The following INSR variants were observed in gnomAD, a reference collection of about 807,000 sequenced individuals.
The protein encoded by INSR is insulin receptor.
INSR carries 67 observed loss-of-function variants against 142.6 expected under a neutral mutation model. That is an observed-to-expected ratio of 0.47 (90% CI 0.39 to 0.58). INSR has a LOEUF of 0.58. Ranked by LOEUF, INSR falls within the 20% of genes least tolerant of loss-of-function variation. The pLI is 0.00. For synonymous variants in INSR, 756 were observed against 743.1 expected (o/e 1.02, Z -0.28); for missense variants, 1,248 against 1,833.2 (o/e 0.68, Z 5.83).
At position 7,205,420 on chromosome 19, in the gene INSR, A is replaced by G. The variant is rs531320440; in HGVS notation, c.653-20783T>C. Among the ~76,000 whole-genome samples, 4 of 152,318 alleles carry G rather than the reference A, an allele frequency of 2.6e-5. No individual in the cohort carries two copies. In the South Asian group the frequency reaches 8.3e-4, roughly 32 times the overall value. Reference sequence around the variant, plus strand: ...TTGAGAAACCAGAGCACCAAATGCCAACTTTCTAGCTCAGTTCTCACCTTC... The same window carrying G: ...TTGAGAAACCAGAGCACCAAATGCCGACTTTCTAGCTCAGTTCTCACCTTC... On this transcript the variant is annotated intron_variant, in intron 2 of 21. Coordinates refer to ENST00000302850, the MANE Select transcript of INSR (RefSeq NM_000208.4).
chr19:7,274,835 T>C (rs1345711601), intron 1 of INSR, among the ~76,000 whole-genome samples: 1 of 151,122 alleles, frequency 6.6e-6, no homozygotes, highest in Non-Finnish European at 1.5e-5. Context: ...GATTTGTCTA[T>C]GTAGATTTTA....
chr19:7,216,996 C>CT lies in INSR; in HGVS notation c.653-32360dup, dbSNP rs570352702. On this transcript the variant is annotated intron_variant, in intron 2 of 21. Coordinates refer to ENST00000302850, the MANE Select transcript of INSR (RefSeq NM_000208.4). This position sits in a 1 kb window ranked among gnomAD's most constrained non-coding sequence, Gnocchi z 4.2. Reference sequence around the variant, plus strand: ...CCAGCTAATTTTTCTTCTTCTTCTTCTTCTTTTTTTTTTTTTTGTAGAGAT... The same window carrying CT: ...CCAGCTAATTTTTCTTCTTCTTCTTCTTTCTTTTTTTTTTTTTTGTAGAGAT... Among the ~76,000 whole-genome samples, 69 of 19,056 alleles carry CT rather than the reference C, an allele frequency of 3.6e-3. 3 individuals are homozygous for CT. Among genetic ancestry groups the CT allele is most frequent in the East Asian group, 0.026 (31 of 1,178 alleles). The allele number at this position is 19,056 out of a possible 152,430, so 12.5% of individuals were successfully genotyped here.
intron 13 of INSR, among the ~76,000 whole-genome samples, chr19:7,140,901 C>T (rs569258154): frequency 1.3e-5 from 2 of 151,944 alleles, no homozygotes; most frequent in African/African-American, 4.8e-5. Flanking sequence ...TACAGTGAGC[C>T]CTGGGAAGAG....
intron 2 of INSR, among the ~76,000 whole-genome samples, chr19:7,210,151 C>T (rs1165257812): frequency 2.0e-5 from 3 of 151,846 alleles, no homozygotes; most frequent in Non-Finnish European, 4.4e-5. Context: ...TTGAGACCAG[C>T]CTGATCAACA....
chr19:7,242,734 C>CAAAAAAA (rs71177186), intron 2 of INSR, among the ~76,000 whole-genome samples: 9 of 92,118 alleles, frequency 9.8e-5, no homozygotes, highest in African/African-American at 2.0e-4. Flanking sequence ...GAGACTGCCT[C>CAAAAAAA]AAAAAAAAAA....
At position 7,276,131 on chromosome 19, in the gene INSR, G is replaced by T. The variant is rs577778982; in HGVS notation, c.101-8235C>A. On this transcript the variant is annotated intron_variant, in intron 1 of 21. Transcript: ENST00000302850. Reference sequence around the variant, plus strand: ...CTACTTCCTGTTTTCAATCATAAAGGTCCTTGTTCTTCAGTTACAGGATTT... The same window carrying T: ...CTACTTCCTGTTTTCAATCATAAAGTTCCTTGTTCTTCAGTTACAGGATTT... 9.9e-4 allele frequency among the ~76,000 whole-genome samples: 151 copies of T among 152,062 alleles called. No individual in the cohort carries two copies. The Middle Eastern group carries it at 0.01, about 10-fold the overall frequency.
In INSR at chr19:7,216,139, A is replaced by G. The variant is rs1202232784; in HGVS notation, c.653-31502T>C. 6.6e-6 allele frequency among the ~76,000 whole-genome samples: 1 copy of G among 151,966 alleles called. No individual in the cohort carries two copies. The highest frequency in any genetic ancestry group is 2.0e-4 in the East Asian group (1 of 5,060). ...GGAGTTCTAGATCAGCCTGACCAAC[A>G]TGGTGAAACCCCGTCTCTACTAAAA... On this transcript the variant is annotated intron_variant, in intron 2 of 21. Transcript: ENST00000302850. This position sits in a 1 kb window ranked among gnomAD's most constrained non-coding sequence, Gnocchi z 4.2.
Position 7,134,561 on chromosome 19 carries a change from T to C in INSR, c.2683-2244A>G, listed in dbSNP as rs370459632. 2.1e-4 allele frequency among the ~76,000 whole-genome samples: 32 copies of C among 151,898 alleles called. No individual in the cohort carries two copies. The East Asian group carries it at 5.6e-3, about 27-fold the overall frequency. On this transcript the variant is annotated intron_variant, in intron 13 of 21. Transcript: ENST00000302850. ...GCGGGCAGATCACGAGGTCAAGAGA[T>C]TGAGACCATCCTTGCCAACATGGTG...
intron 2 of INSR, among the ~76,000 whole-genome samples, chr19:7,254,695 C>T (rs1976835506): frequency 6.6e-6 from 1 of 152,216 alleles, no homozygotes; most frequent in African/African-American, 2.4e-5. Context: ...AAACAGATCA[C>T]TGAAGGACCT....
At chr19:7,194,005 C>T (rs2145018469) in intron 2 of INSR, among the ~76,000 whole-genome samples, 1 of 152,236 alleles carries the variant, frequency 6.6e-6, no homozygotes, top group South Asian at 2.1e-4. Flanking sequence ...CCAGGAAATA[C>T]ATTTTTCAAA....
Position 7,185,856 on chromosome 19 carries a change from AAAAG to A in INSR, c.653-1223_653-1220del, listed in dbSNP as rs1245053859. Among the ~76,000 whole-genome samples the A allele has an allele frequency of 4.4e-3, 639 of 143,790 alleles. 9 individuals carry two copies. The highest frequency in any genetic ancestry group is 0.014 in the African/African-American group (507 of 37,488). The allele number at this position is 143,790 out of a possible 152,430, so 94.3% of individuals were successfully genotyped here. A position where few individuals can be genotyped will look rare whatever the true frequency, so the allele number is the denominator to read the frequency against. On this transcript the variant is annotated intron_variant, in intron 2 of 21. Coordinates refer to ENST00000302850, the MANE Select transcript of INSR (RefSeq NM_000208.4). ...AAAATTCTGTCAAAAAAAAAAAAAA[AAAAG>A]AGAGAGAGAGACAAAGAGAGAGAGA...
At chr19:7,129,938 T>C (rs1438545801) in intron 14 of INSR, among the ~76,000 whole-genome samples, 1 of 152,042 alleles carries the variant, frequency 6.6e-6, no homozygotes. Flanking sequence ...AGAGTCTCGC[T>C]ATGTTGCTCA....
rs1182978476 is a variant in INSR, at chr19:7,225,341, C to T, written c.653-40704G>A. ...AAACGCTAATGTTCCCCTTCCCCGA[C>T]ACTTTCTCCAGATCAGCTTAGGGGT... is the stretch of plus-strand genomic sequence containing the variant. On this transcript the variant is annotated intron_variant, in intron 2 of 21. Transcript: ENST00000302850. The surrounding 1 kb of genome is among the most constrained non-coding windows in gnomAD (Gnocchi z 4.7). 1.3e-5 allele frequency among the ~76,000 whole-genome samples: 2 copies of T among 152,272 alleles called. No individual in the cohort carries two copies. The highest frequency in any genetic ancestry group is 3.9e-4 in the East Asian group (2 of 5,186).
chr19:7,250,392 A>AAGGAAGGGAGAG, intron 2 of INSR, among the ~76,000 whole-genome samples: 1 of 39,352 alleles, frequency 2.5e-5, no homozygotes, highest in East Asian at 5.8e-4. Context: ...GAAGGGAGAG[A>AAGGAAGGGAGAG]AGGAAGGGAG....
At chr19:7,229,309 GA>G (rs1327816394) in intron 2 of INSR, among the ~76,000 whole-genome samples, 4 of 63,494 alleles carry the variant, frequency 6.3e-5, no homozygotes. Flanking sequence ...ATGATGGATG[GA>G]TGGATGGATG....
At chr19:7,182,215 A>G (rs1482662584) in intron 3 of INSR, among the ~76,000 whole-genome samples, 1 of 152,062 alleles carries the variant, frequency 6.6e-6, no homozygotes, top group African/African-American at 2.4e-5. Flanking sequence ...AGATGTCTGT[A>G]ATCCCAGCTA....
At chr19:7,167,756 T>A (rs1404538889) in intron 7 of INSR, among the ~76,000 whole-genome samples, 1 of 152,192 alleles carries the variant, frequency 6.6e-6, no homozygotes, top group Non-Finnish European at 1.5e-5. Flanking sequence ...GAAAGCTGTC[T>A]GCTTCCATTT....
rs1339236526 is a variant in INSR, at chr19:7,166,259, A to T, written c.1756T>A (p.Trp586Arg). 1 of 1,614,160 alleles carries T rather than the reference A, an allele frequency of 6.2e-7. No individual in the cohort carries two copies. Among genetic ancestry groups the T allele is most frequent in the East Asian group, 2.2e-5 (1 of 44,876 alleles). The change falls in exon 8 of 22, where the codon TGG becomes AGG. Residue 586 changes from tryptophan to arginine, a missense_variant. Transcript: ENST00000302850. This position sits in a 1 kb window ranked among gnomAD's most constrained non-coding sequence, Gnocchi z 4.1. ...PGWLMRGLKP[W>R]TQYAIFVKTL... The stretch of plus-strand genomic sequence containing the variant: ...TTCACAAAGATGGCATACTGGGTCC[A>T]GGGCTTGAGACCCCGCATCAGCCAC...
rs560143952 is a variant in INSR at position 7,156,233 on chromosome 19, G to A, written c.2030-3306C>T. Among the ~76,000 whole-genome samples, 3 of 151,538 alleles carry A rather than the reference G, an allele frequency of 2.0e-5. No individual in the cohort carries two copies. The East Asian group carries it at 5.9e-4, about 30-fold the overall frequency. On this transcript the variant is annotated intron_variant, in intron 9 of 21. Coordinates refer to ENST00000302850, the MANE Select transcript of INSR (RefSeq NM_000208.4). ...CTGCCACCACCCTGGCTAATGTTTT[G>A]TATTTTTAGCAGAGACAGAGTTTCA...
Sources: allele counts gnomAD v4.1 joint callset (sites outside exome capture counted in the v4.1 genomes callset), GRCh38; gene constraint gnomAD v4.1.1; non-coding constraint Gnocchi (gnomAD v3.1); transcripts MANE v1.5; gene names NCBI Gene and HGNC (gene_info 2026-07-23, HGNC 2026-07-21).